CDH4: variants seen among roughly 807,000 people sequenced by gnomAD.
CDH4 encodes the protein cadherin 4.
Under a neutral mutation model 86.0 loss-of-function variants are expected in CDH4, and 33 were observed. The observed-to-expected ratio is 0.38, with a 90% CI of 0.29 to 0.51. The LOEUF is 0.51. Among genes scored for constraint, CDH4 ranks in the 20% least tolerant of loss-of-function variants. The pLI is 0.86. For missense variants in CDH4, 1,114 were observed against 1,307.4 expected (o/e 0.85, Z 2.28); for synonymous variants, 555 against 549.4 (o/e 1.01, Z -0.14).
Position 61,353,916 on chromosome 20 carries a change from C to T in CDH4, c.169+98979C>T, listed in dbSNP as rs1298906151. ...TAATGGAGAATGATGATTTTTCACC[C>T]CAGCAGCCCTGCTTTGTGCTGAAAG... On this transcript the variant is annotated intron_variant, in intron 2 of 15. Transcript: ENST00000614565. 2.6e-5 allele frequency among the ~76,000 whole-genome samples: 4 copies of T among 151,768 alleles called. No individual in the cohort carries two copies. In the East Asian group the frequency reaches 7.9e-4, roughly 30 times the overall value.
At chr20:61,775,048 G>C (rs2088822079) in intron 4 of CDH4, among the ~76,000 whole-genome samples, 1 of 151,978 alleles carries the variant, frequency 6.6e-6, no homozygotes. Flanking sequence ...CTTAGCAATG[G>C]GATTATGGAT....
chr20:61,412,454 T>G (rs1480530093), intron 2 of CDH4, among the ~76,000 whole-genome samples: 5 of 152,236 alleles, frequency 3.3e-5, no homozygotes, highest in African/African-American at 1.2e-4. Context: ...ACCCCACTGG[T>G]TTGATGCCCT....
At chr20:61,267,481 C>T (rs8114215) in intron 2 of CDH4, among the ~76,000 whole-genome samples, 3,066 of 152,218 alleles carry the variant, frequency 0.02, 97 homozygotes, top group African/African-American at 0.066. Flanking sequence ...TGGGTGTTTC[C>T]ATCCCACCAG....
chr20:61,900,185 C>G (rs1292930038), intron 8 of CDH4, among the ~76,000 whole-genome samples: 1 of 152,198 alleles, frequency 6.6e-6, no homozygotes, highest in Non-Finnish European at 1.5e-5. Flanking sequence ...GGCTGCGTGC[C>G]CACTCTGGCC....
At position 61,362,601 on chromosome 20, in the gene CDH4, T is replaced by C. The variant is rs554140537; in HGVS notation, c.169+107664T>C. On this transcript the variant is annotated intron_variant, in intron 2 of 15. Transcript: ENST00000614565. The stretch of plus-strand genomic sequence containing the variant: ...AGCAGAGACGTGGCCTAGGACAGTG[T>C]AGTGGAAGTGAAGGGAAGTGGTGAG... Among the ~76,000 whole-genome samples, 5 of 151,534 alleles carry C rather than the reference T, an allele frequency of 3.3e-5. No homozygotes were observed. The South Asian group carries it at 1.0e-3, about 32-fold the overall frequency.
At chr20:61,779,959 T>C (rs551878911) in intron 4 of CDH4, among the ~76,000 whole-genome samples, 1 of 152,316 alleles carries the variant, frequency 6.6e-6, no homozygotes, top group East Asian at 1.9e-4. Context: ...GGAGTCCACC[T>C]AAGCACCCAC....
chr20:61,444,474 A>G (rs373921211), intron 2 of CDH4, among the ~76,000 whole-genome samples: 1 of 74,848 alleles, frequency 1.3e-5, no homozygotes, highest in South Asian at 4.8e-4. Flanking sequence ...TATCTGCATG[A>G]GTGTTTCTCT....
In CDH4 at chr20:61,810,243, C is replaced by T. The variant is rs1352481357; in HGVS notation, c.577-34425C>T. On this transcript the variant is annotated intron_variant, in intron 4 of 15. Transcript: ENST00000614565. This position sits in a 1 kb window ranked among gnomAD's most constrained non-coding sequence, Gnocchi z 4.3. ...TGGCAGACCCCGGGAAAGGCCATGG[C>T]CACCCACATGGATGTGTGGGTATGG... 6.6e-6 allele frequency among the ~76,000 whole-genome samples: 1 copy of T among 152,198 alleles called. No individual in the cohort carries two copies. The highest frequency in any genetic ancestry group is 1.5e-5 in the Non-Finnish European group (1 of 68,028).
intron 2 of CDH4, among the ~76,000 whole-genome samples, chr20:61,502,041 CATG>C (rs2085705556): frequency 6.7e-6 from 1 of 149,994 alleles, no homozygotes; most frequent in South Asian, 2.1e-4. Flanking sequence ...GATGGCATTG[CATG>C]ATCTTTCATG....
chr20:61,421,849 C>T (rs114190518), intron 2 of CDH4, among the ~76,000 whole-genome samples: 1 of 152,124 alleles, frequency 6.6e-6, no homozygotes, highest in Non-Finnish European at 1.5e-5. Flanking sequence ...TGAATAGTAT[C>T]GAGTTCTAAC....
chr20:61,554,680 G>A (rs1341676724), intron 2 of CDH4, among the ~76,000 whole-genome samples: 1 of 152,272 alleles, frequency 6.6e-6, no homozygotes, highest in Non-Finnish European at 1.5e-5. Flanking sequence ...TCAGCCGGCA[G>A]AGCAGGAGAA....
At chr20:61,660,889 G>A (rs892067239) in intron 2 of CDH4, among the ~76,000 whole-genome samples, 5 of 152,288 alleles carry the variant, frequency 3.3e-5, no homozygotes, top group African/African-American at 1.2e-4. Flanking sequence ...CACCTGGGCA[G>A]CCTTACCGGG....
chr20:61,522,193 G>A (rs1280725921), intron 2 of CDH4, among the ~76,000 whole-genome samples: 3 of 152,164 alleles, frequency 2.0e-5, no homozygotes, highest in African/African-American at 4.8e-5. Context: ...GTCCTCAGGG[G>A]CCTCCAGCCA....
intron 2 of CDH4, among the ~76,000 whole-genome samples, chr20:61,590,884 G>GGT (rs1568701020): frequency 1.3e-5 from 2 of 152,014 alleles, no homozygotes; most frequent in African/African-American, 2.4e-5. Flanking sequence ...TATGGGGGGG[G>GGT]GGGTCCCCGG....
At chr20:61,875,931 T>TC (rs1267383828) in intron 7 of CDH4, among the ~76,000 whole-genome samples, 2 of 112,754 alleles carry the variant, frequency 1.8e-5, no homozygotes, top group Non-Finnish European at 2.0e-5. Flanking sequence ...CTGTTTGCGC[T>TC]CCCCCAACAC....
At chr20:61,624,681 A>C (rs2086812169) in intron 2 of CDH4, among the ~76,000 whole-genome samples, 1 of 152,260 alleles carries the variant, frequency 6.6e-6, no homozygotes, top group African/African-American at 2.4e-5. Flanking sequence ...AGACTTCAGA[A>C]GAACTGGACC....
chr20:61,831,168 G>A (rs532604879), intron 4 of CDH4, among the ~76,000 whole-genome samples: 22 of 152,304 alleles, frequency 1.4e-4, no homozygotes, highest in South Asian at 8.3e-4. Context: ...TAGACCAGGC[G>A]GCCAAAGCTT....
At chr20:61,391,103 G>T (rs1229112534) in intron 2 of CDH4, among the ~76,000 whole-genome samples, 1 of 152,154 alleles carries the variant, frequency 6.6e-6, no homozygotes, top group Non-Finnish European at 1.5e-5. Flanking sequence ...ATTTTGGGGT[G>T]CCAGGTTGAA....
Position 61,750,825 on chromosome 20 carries a change from G to T in CDH4, c.396+7036G>T, listed in dbSNP as rs145208652. On this transcript the variant is annotated intron_variant, in intron 3 of 15. Transcript: ENST00000614565. ...CTGGATGTAATAGTTGTACTTCTATGTACCAGGGATAAATCCTTAGAAAAT... is the reference window on the plus strand; with the variant it reads ...CTGGATGTAATAGTTGTACTTCTATTTACCAGGGATAAATCCTTAGAAAAT... Among the ~76,000 whole-genome samples, 577 of 152,292 alleles carry T rather than the reference G, an allele frequency of 3.8e-3. 1 individual carries two copies. Among genetic ancestry groups the T allele is most frequent in the African/African-American group, 0.013 (536 of 41,546 alleles).
Sources: gnomAD v4.1 joint callset for allele counts (sites outside exome capture counted in the v4.1 genomes callset) on GRCh38, gnomAD v4.1.1 for gene constraint, Gnocchi (gnomAD v3.1) non-coding constraint, MANE v1.5 for transcripts, NCBI Gene and HGNC (gene_info 2026-07-23, HGNC 2026-07-21) for gene names.